Variants in ZNF326 observed in about 807,000 individuals in gnomAD.
ZNF326 encodes the protein DBIRD complex subunit ZNF326.
ZNF326 carries 30 observed loss-of-function variants against 63.1 expected under a neutral mutation model. That is an observed-to-expected ratio of 0.48 (90% CI 0.36 to 0.64). ZNF326 has a LOEUF of 0.64. ZNF326 is among the 30% of genes least tolerant of loss of function. The probability of loss-of-function intolerance (pLI) is 0.00; values close to 1 mark genes in which losing one functional copy is unlikely to be tolerated. For synonymous variants in ZNF326, 194 were observed against 228.2 expected (o/e 0.85, Z 1.35); for missense variants, 609 against 720.3 (o/e 0.85, Z 1.77).
chr1:90,024,591 C>T (rs1649924368), intron 11 of ZNF326, among the ~76,000 whole-genome samples: 1 of 152,136 alleles, frequency 6.6e-6, no homozygotes. Context: ...CATTCTTGCT[C>T]TCTTTGCTTC....
In ZNF326 at chr1:90,007,412, T is replaced by C. The variant is rs1413399900; in HGVS notation, c.277T>C (p.Tyr93His). 4 of 1,614,078 alleles carry C rather than the reference T, an allele frequency of 2.5e-6. No homozygotes were observed. The highest frequency in any genetic ancestry group is 3.4e-6 in the Non-Finnish European group (4 of 1,180,026). ...LGGRDLYRSG[Y>H]GFNEPEQSRF... The stretch of plus-strand genomic sequence containing the variant: ...TGGGCGAGATCTGTACAGATCTGGC[T>C]ATGGTTTTAATGAACCCGAACAAAG... Residue 93 changes from tyrosine (Y) to histidine (H), a missense_variant, in exon 5 of 12, where the codon TAT becomes CAT. Physicochemically the swap from Tyr to His is moderately conservative, Grantham distance 83. This residue lies in a region of ZNF326 where 113 missense variants were observed against 187.4 expected (regional missense o/e 0.60). Transcript: ENST00000340281. The surrounding 1 kb of genome is among the most constrained non-coding windows in gnomAD (Gnocchi z 4.9).
chr1:90,006,721 A>G (rs1202682568), intron 4 of ZNF326, among the ~76,000 whole-genome samples: 1 of 152,212 alleles, frequency 6.6e-6, no homozygotes, highest in Non-Finnish European at 1.5e-5. Flanking sequence ...TTTCTAGTCT[A>G]CAAGTAAAAA....
At chr1:90,024,902 G>A (rs1254441798) in intron 11 of ZNF326, among the ~76,000 whole-genome samples, 1 of 151,036 alleles carries the variant, frequency 6.6e-6, no homozygotes, top group Non-Finnish European at 1.5e-5. Context: ...TATTTGTGAG[G>A]AAAAATCTTC....
chr1:90,007,728 C>T lies in ZNF326; in HGVS notation c.593C>T (p.Thr198Ile). The change falls in exon 5 of 12, where the codon ACA (threonine) becomes ATA (isoleucine). Residue 198 changes from threonine to isoleucine, a missense_variant. Thr to Ile is a moderately conservative substitution (Grantham distance 89). Around this residue, in one of 3 missense-constraint regions of ZNF326, gnomAD observed 113 missense variants for 187.4 expected, o/e 0.60. Coordinates refer to ENST00000340281, the MANE Select transcript of ZNF326 (RefSeq NM_182976.4). This position sits in a 1 kb window ranked among gnomAD's most constrained non-coding sequence, Gnocchi z 4.9. ...RNYDAFGGPS[T>I]GRGRGRGHMG... ...TATGATGCTTTTGGAGGACCATCAA[C>T]AGGCAGAGGCCGAGGCCGAGGAGTA... 1 of 1,511,070 alleles carries T rather than the reference C, an allele frequency of 6.6e-7. No homozygotes were observed. Among genetic ancestry groups the T allele is most frequent in the Non-Finnish European group, 8.8e-7 (1 of 1,130,086 alleles). 93.6% of individuals were successfully genotyped at this position (1,511,070 alleles called of 1,614,324 possible). A position where few individuals can be genotyped will look rare whatever the true frequency, so the allele number is the denominator to read the frequency against.
rs1650328337 is a variant in ZNF326 at position 90,032,738 on chromosome 1, A to G, written c.*5037A>G. On this transcript the variant is annotated 3_prime_UTR_variant, in exon 12 of 12. Transcript: ENST00000340281. The stretch of plus-strand genomic sequence containing the variant: ...CTAAGCCAGATTTTTGAAGGACTAG[A>G]TAGTTATTCTGGTCTCTGACTCAGA... 1 of 152,242 alleles carries G rather than the reference A, an allele frequency of 6.6e-6. No individual in the cohort carries two copies. The highest frequency in any genetic ancestry group is 2.4e-5 in the African/African-American group (1 of 41,466). The allele number at this position is 152,242 out of a possible 1,614,324, so 9.4% of individuals were successfully genotyped here.
At chr1:89,997,061 A>G (rs994711822) in intron 1 of ZNF326, among the ~76,000 whole-genome samples, 1 of 152,226 alleles carries the variant, frequency 6.6e-6, no homozygotes, top group Non-Finnish European at 1.5e-5. Flanking sequence ...ATTCTAAACA[A>G]TATTAGTGAT....
At chr1:90,017,153 T>C (rs1195047734) in intron 7 of ZNF326, among the ~76,000 whole-genome samples, 164 bp from the exon 8 acceptor site, 2 of 152,244 alleles carry the variant, frequency 1.3e-5, no homozygotes, top group African/African-American at 4.8e-5. Flanking sequence ...AAATATGTAC[T>C]TAAATACTGT....
At chr1:89,995,408 C>G in intron 1 of ZNF326, 135 bp downstream of exon 1, 2 of 1,224,898 alleles carry the variant, frequency 1.6e-6, no homozygotes, top group Non-Finnish European at 2.2e-6. Context: ...CGCCCCGGGC[C>G]CAGCGCCCGG....
At position 90,028,711 on chromosome 1, in the gene ZNF326, A is replaced by C. The variant is rs1650137647; in HGVS notation, c.*1010A>C. On this transcript the variant is annotated 3_prime_UTR_variant, in exon 12 of 12. Transcript: ENST00000340281. ...AAAGAGAACATGAGCTTGATAGAGGATCTATTCTTAAATAATTTATTTTCA... is the reference window on the plus strand; with the variant it reads ...AAAGAGAACATGAGCTTGATAGAGGCTCTATTCTTAAATAATTTATTTTCA... 1 of 152,220 alleles carries C rather than the reference A, an allele frequency of 6.6e-6. No homozygotes were observed. The highest frequency in any genetic ancestry group is 6.5e-5 in the Admixed American group (1 of 15,292). 9.4% of individuals were successfully genotyped at this position (152,220 alleles called of 1,614,324 possible). A position where few individuals can be genotyped will look rare whatever the true frequency, so the allele number is the denominator to read the frequency against.
Position 90,013,193 on chromosome 1 carries a change from G to A in ZNF326, c.882G>A (p.Arg294=), listed in dbSNP as rs1156790667. The part of the protein sequence containing the change: ...RRIEARREKQ[R]RRREKNSEKY... Reference sequence around the variant, plus strand: ...TTGAGGCTCGGCGAGAGAAACAAAGGCGCAGAAGAGAAAAAAACAGTGAGA... The same window carrying A: ...TTGAGGCTCGGCGAGAGAAACAAAGACGCAGAAGAGAAAAAAACAGTGAGA... The change falls in exon 7 of 12, where the codon AGG becomes AGA. Residue 294 remains arginine (R), a synonymous_variant. Coordinates refer to ENST00000340281, the MANE Select transcript of ZNF326 (RefSeq NM_182976.4). 3.1e-6 allele frequency: 5 copies of A among 1,610,780 alleles called. No homozygotes were observed. The highest frequency in any genetic ancestry group is 1.7e-5 in the Admixed American group (1 of 59,602).
rs1648273318 is a variant in ZNF326, at chr1:89,995,142, T to TA, written c.-115dup. ...CTGTGGCCTGCGGCTCCCGGGCTGG[T>TA]AGCGCGCCGCTCTCGGTCGCGCGGA... On this transcript the variant is annotated 5_prime_UTR_variant, in exon 1 of 12. Transcript: ENST00000340281. 48 of 1,311,156 alleles carry TA rather than the reference T, an allele frequency of 3.7e-5. No homozygotes were observed. Among genetic ancestry groups the TA allele is most frequent in the Non-Finnish European group, 4.8e-5 (46 of 962,380 alleles). 81.2% of individuals were successfully genotyped at this position (1,311,156 alleles called of 1,614,324 possible). A position where few individuals can be genotyped will look rare whatever the true frequency, so the allele number is the denominator to read the frequency against.
intron 2 of ZNF326, among the ~76,000 whole-genome samples, chr1:90,004,573 A>C (rs200955994): frequency 6.6e-6 from 1 of 152,168 alleles, no homozygotes; most frequent in South Asian, 2.1e-4. Context: ...TTCTGTGGCC[A>C]GGTGCAGTGA....
At chr1:90,021,797 C>T (rs1277877813) in intron 10 of ZNF326, among the ~76,000 whole-genome samples, 1 of 152,098 alleles carries the variant, frequency 6.6e-6, no homozygotes, top group Non-Finnish European at 1.5e-5. Context: ...TTTTTCTTCT[C>T]TTGATATTCC....
chr1:89,997,478 ATTC>A (rs999234782), intron 1 of ZNF326, among the ~76,000 whole-genome samples: 6 of 151,794 alleles, frequency 4.0e-5, no homozygotes, highest in Admixed American at 1.3e-4. Flanking sequence ...GATTCAAGTG[ATTC>A]TTCTGCCTCA....
chr1:90,001,479 T>C (rs934705588), intron 2 of ZNF326, among the ~76,000 whole-genome samples: 6 of 152,086 alleles, frequency 3.9e-5, no homozygotes, highest in Non-Finnish European at 7.4e-5. Context: ...GCTGGTAGTG[T>C]AGAGTTGCTA....
intron 7 of ZNF326, among the ~76,000 whole-genome samples, chr1:90,015,636 C>T (rs1439137784): frequency 5.3e-5 from 8 of 151,972 alleles, no homozygotes; most frequent in Non-Finnish European, 8.8e-5. Flanking sequence ...GTTGAGATCG[C>T]GCCACTGCAC....
At chr1:90,016,992 A>G (rs1301354770) in intron 7 of ZNF326, among the ~76,000 whole-genome samples, 1 of 152,214 alleles carries the variant, frequency 6.6e-6, no homozygotes, top group African/African-American at 2.4e-5. Flanking sequence ...AAGTTGCAGA[A>G]CTTTGGAACT....
chr1:90,002,861 A>G (rs1648754507), intron 2 of ZNF326, among the ~76,000 whole-genome samples: 1 of 152,222 alleles, frequency 6.6e-6, no homozygotes, highest in Non-Finnish European at 1.5e-5. Context: ...ATTTTGTAAT[A>G]TCGGCATTAT....
At chr1:90,013,278 G>T in intron 7 of ZNF326, 41 bp downstream of exon 7, 1 of 1,412,494 alleles carries the variant, frequency 7.1e-7, no homozygotes, top group South Asian at 1.5e-5. Flanking sequence ...ATTAAAAAAT[G>T]ATTTCCTAGA....
Sources: allele counts gnomAD v4.1 joint callset (sites outside exome capture counted in the v4.1 genomes callset), GRCh38; gene constraint gnomAD v4.1.1; regional missense constraint gnomAD v4.1.1; non-coding constraint Gnocchi (gnomAD v3.1); transcripts MANE v1.5; gene names NCBI Gene and HGNC (gene_info 2026-07-23, HGNC 2026-07-21).